Variants in KCNMA1 observed in about 807,000 individuals in gnomAD.
KCNMA1 encodes Calcium-activated potassium channel subunit alpha-1.
A neutral mutation model predicts 140.0 loss-of-function variants in KCNMA1; 29 were observed. That is an observed-to-expected ratio of 0.21 (90% CI 0.15 to 0.28). KCNMA1 has a LOEUF of 0.28. KCNMA1 is among the 10% of genes least tolerant of loss of function. The probability of loss-of-function intolerance (pLI) is 1.00; values close to 1 mark genes in which losing one functional copy is unlikely to be tolerated. For missense variants in KCNMA1, 880 were observed against 1,602.2 expected, an observed-to-expected ratio of 0.55 and a Z score of 7.70; for synonymous variants, 612 against 611.9, an observed-to-expected ratio of 1.00 and a Z score of 0.00.
At chr10:77,296,005 A>G (rs1197152833) in intron 2 of KCNMA1, among the ~76,000 whole-genome samples, 2 of 152,172 alleles carry the variant, frequency 1.3e-5, no homozygotes, top group Non-Finnish European at 2.9e-5. Flanking sequence ...ATAAACCGAG[A>G]AATCACTGAC....
rs762500927 is a variant in KCNMA1 at position 76,944,921 on chromosome 10, G to A, written c.2754C>T (p.Asn918=). 2 of 1,613,972 alleles carry A rather than the reference G, an allele frequency of 1.2e-6. No individual in the cohort carries two copies. Among genetic ancestry groups the A allele is most frequent in the South Asian group, 1.1e-5 (1 of 91,058 alleles). ...ACAGGATAACGCACATGTCACAGAG[G>A]TTGATGTTGACAGCCCTTAAATCAG... The part of the protein sequence containing the change: ...SRADLRAVNI[N]LCDMCVILSA... The change falls in exon 23 of 28, where the codon AAC becomes AAT. Residue 918 remains asparagine, a synonymous_variant. Coordinates refer to ENST00000286628, the MANE Select transcript of KCNMA1 (RefSeq NM_001161352.2).
chr10:77,243,390 C>T (rs139497484), intron 3 of KCNMA1, among the ~76,000 whole-genome samples: 23 of 152,270 alleles, frequency 1.5e-4, no homozygotes, highest in African/African-American at 5.5e-4. Context: ...GAGATGCAGC[C>T]CTCTTGCGGT....
chr10:77,456,292 C>A (rs1454959084), intron 1 of KCNMA1, among the ~76,000 whole-genome samples: 1 of 152,134 alleles, frequency 6.6e-6, no homozygotes, highest in Non-Finnish European at 1.5e-5. Flanking sequence ...TCTCTGGAGA[C>A]CTTGGAAAGC....
intron 1 of KCNMA1, among the ~76,000 whole-genome samples, chr10:77,425,474 C>T (rs1000506325): frequency 1.3e-5 from 2 of 152,074 alleles, no homozygotes; most frequent in Non-Finnish European, 2.9e-5. Context: ...GACATGTAGC[C>T]CACACTCTGT....
At chr10:76,896,013 G>A (rs1172085905) in intron 25 of KCNMA1, among the ~76,000 whole-genome samples, 7 of 152,238 alleles carry the variant, frequency 4.6e-5, no homozygotes, top group African/African-American at 1.7e-4. Flanking sequence ...TCCATGTCCT[G>A]CTGTGCAGGC....
intron 1 of KCNMA1, among the ~76,000 whole-genome samples, chr10:77,424,163 T>C (rs1056225218): frequency 5.9e-5 from 9 of 152,266 alleles, no homozygotes; most frequent in Non-Finnish European, 1.2e-4. Context: ...GTTAATCCTT[T>C]GAAACCTCAG....
At chr10:76,905,594 A>G (rs1480269827) in intron 25 of KCNMA1, among the ~76,000 whole-genome samples, 1 of 152,080 alleles carries the variant, frequency 6.6e-6, no homozygotes, top group African/African-American at 2.4e-5. Context: ...GCTTGTCACC[A>G]CTGTGCAGCT....
chr10:77,304,729 A>G (rs1372146018), intron 2 of KCNMA1, among the ~76,000 whole-genome samples: 2 of 152,210 alleles, frequency 1.3e-5, no homozygotes, highest in African/African-American at 4.8e-5. Flanking sequence ...GCCCTGAGCA[A>G]CCAATTAATA....
chr10:77,508,366 G>C (rs995435310), intron 1 of KCNMA1, among the ~76,000 whole-genome samples: 4 of 101,612 alleles, frequency 3.9e-5, no homozygotes, highest in African/African-American at 8.9e-5. Context: ...TGTAATTTTT[G>C]TAGAGATGGG....
chr10:77,231,173 C>T (rs1168449181), intron 3 of KCNMA1, among the ~76,000 whole-genome samples: 1 of 152,136 alleles, frequency 6.6e-6, no homozygotes, highest in Non-Finnish European at 1.5e-5. Flanking sequence ...ATCATTTGTA[C>T]ATGTGACTAG....
At chr10:77,562,492 T>C (rs1820723195) in intron 1 of KCNMA1, among the ~76,000 whole-genome samples, 1 of 152,242 alleles carries the variant, frequency 6.6e-6, no homozygotes, top group African/African-American at 2.4e-5. Flanking sequence ...ATAGAGGATC[T>C]CAAGCAAACA....
chr10:76,929,667 A>G (rs2058762263), intron 23 of KCNMA1, among the ~76,000 whole-genome samples: 1 of 152,176 alleles, frequency 6.6e-6, no homozygotes, highest in South Asian at 2.1e-4. Flanking sequence ...GTGTTTCTCA[A>G]CTTGGGCTGC....
At chr10:77,540,810 G>C (rs1377517579) in intron 1 of KCNMA1, among the ~76,000 whole-genome samples, 1 of 152,112 alleles carries the variant, frequency 6.6e-6, no homozygotes, top group Non-Finnish European at 1.5e-5. Flanking sequence ...AGACCAGCCT[G>C]GTCAACAGGG....
intron 20 of KCNMA1, among the ~76,000 whole-genome samples, chr10:76,959,628 CT>C (rs1312634519): frequency 6.6e-6 from 1 of 152,176 alleles, no homozygotes; most frequent in African/African-American, 2.4e-5. Flanking sequence ...TCATGTATTA[CT>C]AGCTCTGATT....
chr10:77,149,230 G>A (rs1269647338), intron 5 of KCNMA1, among the ~76,000 whole-genome samples: 1 of 152,174 alleles, frequency 6.6e-6, no homozygotes, highest in Non-Finnish European at 1.5e-5. Context: ...CCTAAGGGGA[G>A]AAGAGTCTCT....
chr10:77,010,166 C>G (rs1593502219), intron 18 of KCNMA1, among the ~76,000 whole-genome samples: 1 of 152,170 alleles, frequency 6.6e-6, no homozygotes, highest in East Asian at 1.9e-4. Context: ...TTCCCAACCC[C>G]TCACTACAAG....
chr10:77,324,957 CTCTCTCTCTCTCTCTGTGTGTGTG>C (rs1372117888), intron 2 of KCNMA1, among the ~76,000 whole-genome samples: 7 of 111,870 alleles, frequency 6.3e-5, no homozygotes, highest in Admixed American at 2.9e-4. Flanking sequence ...CTCTCTCTCT[CTCTCTCTCTCTCTCTGTGTGTGTG>C]TGTGTGTGTG....
intron 2 of KCNMA1, among the ~76,000 whole-genome samples, chr10:77,285,678 T>A (rs2070558528): frequency 2.0e-5 from 1 of 51,266 alleles, no homozygotes; most frequent in Non-Finnish European, 4.0e-5. Context: ...TCTGGGGCTG[T>A]TACTGGGTGT....
chr10:77,115,220 T>G (rs561997095), intron 6 of KCNMA1, among the ~76,000 whole-genome samples: 10 of 152,232 alleles, frequency 6.6e-5, no homozygotes, highest in Non-Finnish European at 1.5e-4. Flanking sequence ...GAGACTGATA[T>G]TTCAAAATGT....
Sources: allele counts gnomAD v4.1 joint callset (sites outside exome capture counted in the v4.1 genomes callset), GRCh38; gene constraint gnomAD v4.1.1; transcripts MANE v1.5; gene names NCBI Gene and HGNC (gene_info 2026-07-23, HGNC 2026-07-21).